The following HOOK1 variants were observed in gnomAD, a reference collection of about 807,000 sequenced individuals.
The protein encoded by HOOK1 is protein Hook homolog 1.
In HOOK1, 60 loss-of-function variants were observed where a neutral mutation model predicts 112.8. That is an observed-to-expected ratio of 0.53 (90% CI 0.43 to 0.66). HOOK1 has a LOEUF of 0.66. HOOK1 is among the 30% of genes least tolerant of loss of function. The pLI, the probability that HOOK1 is intolerant of heterozygous loss-of-function variation, is 0.00. For synonymous variants in HOOK1, 294 were observed against 283.8 expected (o/e 1.04, Z -0.36); for missense variants, 770 against 856.0 (o/e 0.90, Z 1.25).
intron 2 of HOOK1, among the ~76,000 whole-genome samples, chr1:59,823,268 C>G (rs562854264): frequency 6.6e-6 from 1 of 152,094 alleles, no homozygotes; most frequent in African/African-American, 2.4e-5. Context: ...CACAGTGAGC[C>G]GAGATCCTGC....
intron 6 of HOOK1, among the ~76,000 whole-genome samples, chr1:59,835,720 G>C (rs959805810): frequency 6.6e-6 from 1 of 152,142 alleles, no homozygotes; most frequent in African/African-American, 2.4e-5. Flanking sequence ...CAGACCCGGG[G>C]TGGCGGGCAG....
intron 12 of HOOK1, among the ~76,000 whole-genome samples, chr1:59,850,408 T>G (rs566015055): frequency 6.6e-6 from 1 of 151,498 alleles, no homozygotes; most frequent in East Asian, 1.9e-4. Context: ...TTTTGTTGCT[T>G]GTCTTTTTTT....
In HOOK1 at chr1:59,846,589, CCCT is replaced by C. The variant is rs797002899; in HGVS notation, c.789-450_789-448del. ...TTCCTTCCTTCCTTCCTTCCTTCCT[CCCT>C]CCTCCCTCCCTCCCTCCCTCTCTCT... On this transcript the variant is annotated intron_variant, in intron 9 of 21. Coordinates refer to ENST00000371208, the MANE Select transcript of HOOK1 (RefSeq NM_015888.6). Among the ~76,000 whole-genome samples, 182 of 99,208 alleles carry C rather than the reference CCCT, an allele frequency of 1.8e-3. 7 individuals are homozygous for C. The highest frequency in any genetic ancestry group is 5.0e-3 in the Middle Eastern group (1 of 202). 65.1% of individuals were successfully genotyped at this position (99,208 alleles called of 152,430 possible).
chr1:59,875,248 A>C lies in HOOK1; in HGVS notation c.*2283A>C, dbSNP rs1202153731. The C allele has an allele frequency of 6.6e-6, 1 of 152,520 alleles. No individual in the cohort carries two copies. Among genetic ancestry groups the C allele is most frequent in the African/African-American group, 2.4e-5 (1 of 41,444 alleles). The allele number at this position is 152,520 out of a possible 1,614,324, so 9.4% of individuals were successfully genotyped here. The stretch of plus-strand genomic sequence containing the variant: ...CAGATCATTATACTTGGAACTTCTA[A>C]ATCATGCAATTTCTGAATAAGGACA... On this transcript the variant is annotated 3_prime_UTR_variant, in exon 22 of 22. Coordinates refer to ENST00000371208, the MANE Select transcript of HOOK1 (RefSeq NM_015888.6).
In HOOK1 at chr1:59,874,649, T is replaced by C. The variant is rs1008393058; in HGVS notation, c.*1684T>C. On this transcript the variant is annotated 3_prime_UTR_variant, in exon 22 of 22. Coordinates refer to ENST00000371208, the MANE Select transcript of HOOK1 (RefSeq NM_015888.6). ...CAATATATAAACAAAATGGGCATAG[T>C]TGTATTTCAGTAAAACTTTATTTAC... The C allele has an allele frequency of 2.6e-5, 4 of 152,182 alleles. No homozygotes were observed. Among genetic ancestry groups the C allele is most frequent in the African/African-American group, 9.6e-5 (4 of 41,470 alleles). 9.4% of individuals were successfully genotyped at this position (152,182 alleles called of 1,614,324 possible).
At chr1:59,854,541 A>G (rs1377671440) in intron 12 of HOOK1, among the ~76,000 whole-genome samples, 1 of 151,732 alleles carries the variant, frequency 6.6e-6, no homozygotes, top group African/African-American at 2.4e-5. Context: ...TTCATCTTTC[A>G]TATTCAAAAG....
intron 5 of HOOK1, among the ~76,000 whole-genome samples, chr1:59,834,115 G>A (rs939521726): frequency 3.9e-5 from 6 of 152,090 alleles, no homozygotes; most frequent in African/African-American, 1.4e-4. Context: ...GAACTGAACA[G>A]GCCCAGACCT....
chr1:59,872,853 G>A lies in HOOK1; in HGVS notation c.2075G>A (p.Cys692Tyr). The A allele has an allele frequency of 1.3e-6, 2 of 1,494,494 alleles. No individual in the cohort carries two copies. Among genetic ancestry groups the A allele is most frequent in the Non-Finnish European group, 1.8e-6 (2 of 1,109,706 alleles). The allele number at this position is 1,494,494 out of a possible 1,614,324, so 92.6% of individuals were successfully genotyped here. A position where few individuals can be genotyped will look rare whatever the true frequency, so the allele number is the denominator to read the frequency against. The stretch of plus-strand genomic sequence containing the variant: ...AGACTTGTGAGCGGCGGTGGTGCCT[G>A]CAGTGACACTGGTGCGTGCACTCCT... Reference protein sequence around the residue: ...ESRLVSGGGACSDTGACTPAR... With the variant: ...ESRLVSGGGAYSDTGACTPAR... The change falls in exon 22 of 22, where the codon TGC (cysteine) becomes TAC (tyrosine). Residue 692 changes from cysteine (C) to tyrosine (Y), a missense_variant. By Grantham distance (194) the Cys-to-Tyr change is radical. This residue lies in a region of HOOK1 where 111 missense variants were observed against 111.8 expected (regional missense o/e 0.99). Transcript: ENST00000371208.
chr1:59,871,799 G>A (rs576670672), intron 21 of HOOK1, among the ~76,000 whole-genome samples: 2 of 152,292 alleles, frequency 1.3e-5, no homozygotes, highest in South Asian at 4.1e-4. Flanking sequence ...ATGTGTGAAT[G>A]CTGTGCTCCA....
At chr1:59,855,963 T>TA (rs1295394489) in intron 12 of HOOK1, among the ~76,000 whole-genome samples, 1,827 of 91,142 alleles carry the variant, frequency 0.02, 80 homozygotes, top group African/African-American at 0.077. Context: ...TATATATAAA[T>TA]TATTATATAT....
Position 59,864,682 on chromosome 1 carries a change from A to C in HOOK1, c.1661+16A>C. 1 of 1,459,244 alleles carries C rather than the reference A, an allele frequency of 6.9e-7. No homozygotes were observed. The allele number at this position is 1,459,244 out of a possible 1,614,324, so 90.4% of individuals were successfully genotyped here. ...AAGCTCATATGTAAGTAAAACTGAT[A>C]TTTCTTTTCAAATATGAGAAGGGAG... is the stretch of plus-strand genomic sequence containing the variant. On this transcript the variant is annotated intron_variant, in intron 17 of 21. Transcript: ENST00000371208.
intron 7 of HOOK1, 152 bp from the exon 8 acceptor site, chr1:59,840,156 T>C: frequency 2.4e-6 from 1 of 416,470 alleles, no homozygotes; most frequent in Non-Finnish European, 4.1e-6. Flanking sequence ...TTCTCTTTTT[T>C]TTGTTGTAAG....
rs1191821568 is a variant in HOOK1, at chr1:59,848,401, A to G, written c.1016A>G (p.Gln339Arg). 6 of 1,611,362 alleles carry G rather than the reference A, an allele frequency of 3.7e-6. No individual in the cohort carries two copies. The highest frequency in any genetic ancestry group is 4.2e-6 in the Non-Finnish European group (5 of 1,178,144). Residue 339 changes from glutamine to arginine, a missense_variant, in exon 11 of 22, where the codon CAG (glutamine) becomes CGG (arginine). Physicochemically the swap from Gln to Arg is conservative, Grantham distance 43. Around this residue, in one of 3 missense-constraint regions of HOOK1, gnomAD observed 655 missense variants for 725.9 expected, o/e 0.90. Transcript: ENST00000371208. ...KLQDLNDLRK[Q>R]VKTLQETNMM... Reference sequence around the variant, plus strand: ...CAAGATCTGAATGACCTTCGCAAGCAGGTGAAAACTTTACAGGAAACCAAC... The same window carrying G: ...CAAGATCTGAATGACCTTCGCAAGCGGGTGAAAACTTTACAGGAAACCAAC...
intron 8 of HOOK1, among the ~76,000 whole-genome samples, chr1:59,842,807 G>A (rs1482304913): frequency 6.6e-6 from 1 of 152,036 alleles, no homozygotes. Flanking sequence ...AATCATGCAT[G>A]TTTTAAAAAT....
intron 12 of HOOK1, 97 bp downstream of exon 12, chr1:59,849,280 T>C: frequency 3.1e-6 from 2 of 654,964 alleles, no homozygotes; most frequent in South Asian, 5.8e-5. Context: ...CTACCAGTTC[T>C]CTCTTCCTCC....
Position 59,845,231 on chromosome 1 carries a change from C to T in HOOK1, c.788+1633C>T, listed in dbSNP as rs141815454. The stretch of plus-strand genomic sequence containing the variant: ...AGAGCACTAATCCCATTCAAGGGGA[C>T]AGAGCCCTCATAACTTAATCACTTC... On this transcript the variant is annotated intron_variant, in intron 9 of 21. Coordinates refer to ENST00000371208, the MANE Select transcript of HOOK1 (RefSeq NM_015888.6). Among the ~76,000 whole-genome samples, 126 of 152,010 alleles carry T rather than the reference C, an allele frequency of 8.3e-4. 2 individuals carry two copies. The East Asian group carries it at 0.012, about 15-fold the overall frequency.
At chr1:59,870,571 G>A (rs766206365) in intron 20 of HOOK1, among the ~76,000 whole-genome samples, 1 of 152,192 alleles carries the variant, frequency 6.6e-6, no homozygotes, top group Non-Finnish European at 1.5e-5. Context: ...TACGGCTATG[G>A]AATCTAGTAC....
chr1:59,816,007 A>G (rs1574164925), intron 1 of HOOK1, among the ~76,000 whole-genome samples: 1 of 152,312 alleles, frequency 6.6e-6, no homozygotes, highest in East Asian at 1.9e-4. Context: ...CAGTGCTGGC[A>G]TTCAGGTGTG....
At chr1:59,822,052 T>G in intron 2 of HOOK1, 109 bp downstream of exon 2, 1 of 846,296 alleles carries the variant, frequency 1.2e-6, no homozygotes, top group Non-Finnish European at 1.9e-6. Context: ...TCTTACCCAG[T>G]GACATATTCA....
Sources: allele counts gnomAD v4.1 joint callset (sites outside exome capture counted in the v4.1 genomes callset), GRCh38; gene constraint gnomAD v4.1.1; regional missense constraint gnomAD v4.1.1; transcripts MANE v1.5; gene names NCBI Gene and HGNC (gene_info 2026-07-23, HGNC 2026-07-21).